The following RAB30 variants were observed in gnomAD, a reference collection of about 807,000 sequenced individuals.
The protein encoded by RAB30 is RAB30, member RAS oncogene family.
RAB30 carries 9 observed loss-of-function variants against 25.1 expected under a neutral mutation model. The ratio of observed to expected loss-of-function variants is 0.36; its 90% confidence interval spans 0.22 to 0.63. RAB30 has a LOEUF of 0.63. Among genes scored for constraint, RAB30 ranks in the 20% least tolerant of loss-of-function variants. The probability of loss-of-function intolerance (pLI) is 0.69; values close to 1 mark genes in which losing one functional copy is unlikely to be tolerated. For missense variants in RAB30, 140 were observed against 243.5 expected (o/e 0.58, Z 2.83); for synonymous variants, 77 against 86.4 (o/e 0.89, Z 0.60).
chr11:83,059,488 A>G (rs895616169), intron 1 of RAB30, among the ~76,000 whole-genome samples: 2 of 152,180 alleles, frequency 1.3e-5, no homozygotes, highest in African/African-American at 2.4e-5. Flanking sequence ...ATTATTTGCT[A>G]TTAGCAACAA....
chr11:83,048,878 C>A (rs549954681), intron 1 of RAB30, among the ~76,000 whole-genome samples: 1 of 152,320 alleles, frequency 6.6e-6, no homozygotes, highest in South Asian at 2.1e-4. Flanking sequence ...GCTGCTGGGC[C>A]CCAGCATGGC....
chr11:83,018,000 G>A (rs1358613569), intron 1 of RAB30, among the ~76,000 whole-genome samples: 2 of 152,192 alleles, frequency 1.3e-5, no homozygotes, highest in African/African-American at 2.4e-5. Flanking sequence ...TACCAGCAGT[G>A]TAAAAGTGTT....
intron 1 of RAB30, among the ~76,000 whole-genome samples, chr11:83,069,632 A>C (rs560258443): frequency 6.6e-6 from 1 of 150,444 alleles, no homozygotes; most frequent in Non-Finnish European, 1.5e-5. Context: ...AAGGATAAGG[A>C]AAAAAAAAAT....
At chr11:83,015,541 G>T (rs1483488590) in intron 1 of RAB30, among the ~76,000 whole-genome samples, 1 of 152,184 alleles carries the variant, frequency 6.6e-6, no homozygotes, top group African/African-American at 2.4e-5. Flanking sequence ...AGGACTCTCA[G>T]ACATCTATGT....
At chr11:82,994,757 T>C (rs1856925131) in intron 2 of RAB30, among the ~76,000 whole-genome samples, 1 of 152,148 alleles carries the variant, frequency 6.6e-6, no homozygotes, top group South Asian at 2.1e-4. Flanking sequence ...CATGCATGTG[T>C]AATTACATGG....
chr11:83,047,592 T>C (rs1858260124), intron 1 of RAB30, among the ~76,000 whole-genome samples: 1 of 152,162 alleles, frequency 6.6e-6, no homozygotes. Flanking sequence ...TTAACAATAA[T>C]AGAAGATAGA....
chr11:82,987,889 T>A, intron 3 of RAB30, 119 bp from the exon 4 acceptor site: 1 of 274,288 alleles, frequency 3.6e-6, no homozygotes, highest in Non-Finnish European at 6.3e-6. Flanking sequence ...AACAATTTCA[T>A]GGTTATTTTC....
chr11:83,061,972 G>C (rs1230265229), intron 1 of RAB30, among the ~76,000 whole-genome samples: 2 of 152,102 alleles, frequency 1.3e-5, no homozygotes, highest in African/African-American at 4.8e-5. Context: ...TATGGCTCCA[G>C]TGAACAAAAG....
Position 83,066,014 on chromosome 11 carries a change from G to A in RAB30, c.-9+5677C>T, listed in dbSNP as rs145978412. On this transcript the variant is annotated intron_variant, in intron 1 of 4. Transcript: ENST00000527633. ...TCAGGCATGAATTAAGAACTGCTAC[G>A]TTAGGCTAATCTTGAGGAGGCCTAC... Among the ~76,000 whole-genome samples, 895 of 152,294 alleles carry A rather than the reference G, an allele frequency of 5.9e-3. 12 individuals are homozygous for A. The highest frequency in any genetic ancestry group is 0.02 in the African/African-American group (834 of 41,566).
chr11:82,977,705 G>C lies in RAB30; in HGVS notation c.*4460C>G, dbSNP rs554408710. The C allele has an allele frequency of 6.6e-6, 1 of 152,144 alleles. No individual in the cohort carries two copies. The highest frequency in any genetic ancestry group is 2.4e-5 in the African/African-American group (1 of 41,490). 9.4% of individuals were successfully genotyped at this position (152,144 alleles called of 1,614,324 possible). ...ACCTAAGTCTCCCCAAATCCTTCAA[G>C]TATTCTTTAAATGGCTTGCATTTAA... On this transcript the variant is annotated 3_prime_UTR_variant, in exon 5 of 5. Coordinates refer to ENST00000527633, the MANE Select transcript of RAB30 (RefSeq NM_001286060.2).
intron 1 of RAB30, among the ~76,000 whole-genome samples, chr11:83,053,365 G>C (rs538161088): frequency 7.2e-5 from 11 of 152,200 alleles, no homozygotes; most frequent in African/African-American, 2.4e-4. Context: ...CTCAATTAAT[G>C]GTTAGTGCCT....
intron 1 of RAB30, chr11:83,071,201 CT>C (rs1858835195): frequency 6.6e-6 from 1 of 152,228 alleles, no homozygotes; most frequent in Admixed American, 6.5e-5. Context: ...CCCTACAAAA[CT>C]TAAGCACGTT....
chr11:82,987,227 C>T (rs1208030327), intron 4 of RAB30: 1 of 158,706 alleles, frequency 6.3e-6, no homozygotes, highest in Non-Finnish European at 1.4e-5. Flanking sequence ...TAAACAATTG[C>T]TTCAATAATG....
intron 4 of RAB30, among the ~76,000 whole-genome samples, chr11:82,982,652 A>G (rs980076023): frequency 3.3e-5 from 5 of 152,304 alleles, no homozygotes; most frequent in South Asian, 2.1e-4. Flanking sequence ...TCACCAGGTC[A>G]GGAGTTCGAG....
rs1044303081 is a variant in RAB30, at chr11:82,977,084, A to G, written c.*5081T>C. ...TAACAGAAGATTCTGCTCTGTTAAA[A>G]AGGCCTATCCTAAAATCTTGAAAGA... On this transcript the variant is annotated 3_prime_UTR_variant, in exon 5 of 5. Transcript: ENST00000527633. 3.9e-5 allele frequency: 6 copies of G among 152,238 alleles called. No homozygotes were observed. Among genetic ancestry groups the G allele is most frequent in the African/African-American group, 1.4e-4 (6 of 41,462 alleles). The allele number at this position is 152,238 out of a possible 1,614,324, so 9.4% of individuals were successfully genotyped here.
At chr11:83,035,764 T>G (rs1041111554) in intron 1 of RAB30, 6 of 152,354 alleles carry the variant, frequency 3.9e-5, no homozygotes, top group Admixed American at 3.9e-4. Context: ...TTGGCACCCC[T>G]GGGTAATCAG....
At chr11:82,993,704 G>A (rs1241255713) in intron 3 of RAB30, among the ~76,000 whole-genome samples, 4 of 152,220 alleles carry the variant, frequency 2.6e-5, no homozygotes, top group Non-Finnish European at 4.4e-5. Context: ...TCATGGGGCT[G>A]CTGTTTAGAG....
At chr11:82,982,525 A>G in intron 4 of RAB30, 110 bp from the exon 5 acceptor site, 1 of 1,136,640 alleles carries the variant, frequency 8.8e-7, no homozygotes. Context: ...ATGGGCGAGT[A>G]AAACAAAACA....
chr11:82,996,968 C>T (rs1590841653), intron 2 of RAB30, among the ~76,000 whole-genome samples: 1 of 152,152 alleles, frequency 6.6e-6, no homozygotes, highest in East Asian at 1.9e-4. Flanking sequence ...AACCACTTGC[C>T]TTTGTCATTA....
Sources: allele counts gnomAD v4.1 joint callset (sites outside exome capture counted in the v4.1 genomes callset), GRCh38; gene constraint gnomAD v4.1.1; transcripts MANE v1.5; gene names NCBI Gene and HGNC (gene_info 2026-07-23, HGNC 2026-07-21).